GLIS3: variants seen among roughly 807,000 people sequenced by gnomAD.
The protein encoded by GLIS3 is zinc finger protein GLIS3.
Under a neutral mutation model 78.6 loss-of-function variants are expected in GLIS3, and 53 were observed. That is an observed-to-expected ratio of 0.67 (90% confidence interval 0.54 to 0.85). The LOEUF (loss-of-function observed/expected upper bound fraction) is 0.85. Ranked by LOEUF, GLIS3 falls within the 40% of genes least tolerant of loss-of-function variation. GLIS3 has a pLI of 0.00. For missense variants in GLIS3, 1,703 were observed against 1,231.1 expected, an observed-to-expected ratio of 1.38 and a Z score of -5.74; for synonymous variants, 684 against 509.9, an observed-to-expected ratio of 1.34 and a Z score of -4.60.
intron 2 of GLIS3, among the ~76,000 whole-genome samples, chr9:4,337,893 G>T (rs999226638): frequency 1.3e-5 from 2 of 151,918 alleles, no homozygotes; most frequent in Non-Finnish European, 2.9e-5. Flanking sequence ...GAAGAAACTG[G>T]GGTTCAAAGA....
chr9:4,021,633 A>T (rs993578826), intron 4 of GLIS3, among the ~76,000 whole-genome samples: 3 of 152,148 alleles, frequency 2.0e-5, no homozygotes, highest in African/African-American at 7.2e-5. Flanking sequence ...CCTCATTTTC[A>T]ATTAATATAA....
At chr9:4,232,824 A>C (rs4741926) in intron 2 of GLIS3, among the ~76,000 whole-genome samples, 84,029 of 151,932 alleles carry the variant, frequency 0.55, 23,687 homozygotes, top group East Asian at 0.74. Context: ...ATATTTAAAT[A>C]ATTGGCACCA....
chr9:4,132,078 T>C (rs897337841), intron 2 of GLIS3, among the ~76,000 whole-genome samples: 3 of 151,030 alleles, frequency 2.0e-5, no homozygotes, highest in African/African-American at 7.3e-5. Context: ...AAAAACCACA[T>C]GTCATCACAG....
chr9:4,087,368 C>T (rs1829121005), intron 4 of GLIS3, among the ~76,000 whole-genome samples: 2 of 152,078 alleles, frequency 1.3e-5, no homozygotes, highest in Non-Finnish European at 2.9e-5. Flanking sequence ...TACAGAGCTA[C>T]TACTGAGTGA....
chr9:4,095,287 C>T (rs1365619375), intron 4 of GLIS3, among the ~76,000 whole-genome samples: 1 of 152,158 alleles, frequency 6.6e-6, no homozygotes, highest in African/African-American at 2.4e-5. Flanking sequence ...GGTGTCAACT[C>T]ATGCTGTACC....
chr9:4,216,805 G>A (rs1820893539), intron 2 of GLIS3, among the ~76,000 whole-genome samples: 1 of 152,166 alleles, frequency 6.6e-6, no homozygotes, highest in Non-Finnish European at 1.5e-5. Context: ...AACAGGATGT[G>A]GGGGAGGGGC....
At chr9:3,961,545 C>G in intron 4 of GLIS3, among the ~76,000 whole-genome samples, 1 of 152,170 alleles carries the variant, frequency 6.6e-6, no homozygotes, top group East Asian at 1.9e-4. Flanking sequence ...AAATGCAAAA[C>G]TATTCCAAAA....
intron 2 of GLIS3, among the ~76,000 whole-genome samples, chr9:4,247,820 G>A (rs1017837548): frequency 3.3e-5 from 5 of 152,116 alleles, no homozygotes; most frequent in African/African-American, 1.2e-4. Flanking sequence ...GTGATGTTTT[G>A]ATATATGTCT....
chr9:4,346,385 C>T, intron 2 of GLIS3, among the ~76,000 whole-genome samples: 1 of 51,220 alleles, frequency 2.0e-5, no homozygotes, highest in East Asian at 6.5e-4. Context: ...GTGTTCTAGC[C>T]AGTGACTGCC....
chr9:3,924,202 A>G (rs1279315057), intron 6 of GLIS3, among the ~76,000 whole-genome samples: 2 of 152,210 alleles, frequency 1.3e-5, no homozygotes, highest in African/African-American at 4.8e-5. Context: ...TCTAGTAATC[A>G]CTGAAAGAAT....
At position 4,275,159 on chromosome 9, in the gene GLIS3, T is replaced by C. The variant is rs527294587; in HGVS notation, c.388+10879A>G. Among the ~76,000 whole-genome samples, 4 of 152,270 alleles carry C rather than the reference T, an allele frequency of 2.6e-5. No individual in the cohort carries two copies. The East Asian group carries it at 7.7e-4, about 29-fold the overall frequency. On this transcript the variant is annotated intron_variant, in intron 2 of 10. Coordinates refer to ENST00000381971, the MANE Select transcript of GLIS3 (RefSeq NM_001042413.2). ...GGAAAGGTGCTTATGCATATACCGATGTCACTCAGGTGGCCACACAAAAGG... is the reference window on the plus strand; with the variant it reads ...GGAAAGGTGCTTATGCATATACCGACGTCACTCAGGTGGCCACACAAAAGG...
At chr9:4,411,698 C>A in the GLIS3 span, among the ~76,000 whole-genome samples, 7 of 152,128 alleles carry the variant, frequency 4.6e-5, no homozygotes, top group African/African-American at 1.7e-4. Context: ...TCTGCAACAA[C>A]AGAATAAAAA....
At chr9:4,312,372 G>T (rs7870113) in intron 2 of GLIS3, among the ~76,000 whole-genome samples, 2 of 152,154 alleles carry the variant, frequency 1.3e-5, no homozygotes, top group African/African-American at 4.8e-5. Context: ...GGAGGCTGGG[G>T]TAGGAGAATC....
chr9:4,015,794 CAGG>C (rs1178541088), intron 4 of GLIS3, among the ~76,000 whole-genome samples: 1 of 145,682 alleles, frequency 6.9e-6, no homozygotes, highest in Non-Finnish European at 1.5e-5. Context: ...GAGGCTGAGG[CAGG>C]AGAACTGCTT....
chr9:4,410,225 C>T, the GLIS3 span, among the ~76,000 whole-genome samples: 1 of 151,908 alleles, frequency 6.6e-6, no homozygotes, highest in South Asian at 2.1e-4. Context: ...GATCCACCTG[C>T]CTTGGCTTCC....
At chr9:4,371,046 T>A in the GLIS3 span, among the ~76,000 whole-genome samples, 2 of 152,254 alleles carry the variant, frequency 1.3e-5, no homozygotes, top group Admixed American at 1.3e-4. Context: ...ATACTTTCCT[T>A]GGCTTTTTCA....
intron 2 of GLIS3, among the ~76,000 whole-genome samples, chr9:4,282,794 C>G (rs1182374185): frequency 1.3e-5 from 2 of 152,086 alleles, no homozygotes; most frequent in Non-Finnish European, 2.9e-5. Flanking sequence ...TCCTATTTGT[C>G]TATTTCTCTG....
At chr9:4,266,107 AC>A (rs1270118193) in intron 2 of GLIS3, among the ~76,000 whole-genome samples, 1 of 151,744 alleles carries the variant, frequency 6.6e-6, no homozygotes, top group African/African-American at 2.4e-5. Context: ...TTTAGTAGAG[AC>A]AAGGTTTCAC....
chr9:4,218,193 T>A (rs1348763267), intron 2 of GLIS3, among the ~76,000 whole-genome samples: 2 of 152,200 alleles, frequency 1.3e-5, no homozygotes, highest in Admixed American at 1.3e-4. Context: ...AATCAGCGAG[T>A]CTTTGATGAT....
Sources: gnomAD v4.1 joint callset for allele counts (sites outside exome capture counted in the v4.1 genomes callset) on GRCh38, gnomAD v4.1.1 for gene constraint, MANE v1.5 for transcripts, NCBI Gene and HGNC (gene_info 2026-07-23, HGNC 2026-07-21) for gene names.